The following SNTG1 variants were observed in gnomAD, a reference collection of about 807,000 sequenced individuals.
SNTG1 encodes syntrophin gamma 1.
A neutral mutation model predicts 74.7 loss-of-function variants in SNTG1; 39 were observed. The ratio of observed to expected loss-of-function variants is 0.52; its 90% confidence interval spans 0.40 to 0.68. The LOEUF is 0.68. SNTG1 is among the 30% of genes least tolerant of loss of function. The probability of loss-of-function intolerance (pLI) is 0.00; values close to 1 mark genes in which losing one functional copy is unlikely to be tolerated. For missense variants in SNTG1, 685 were observed against 609.5 expected, an observed-to-expected ratio of 1.12 and a Z score of -1.30; for synonymous variants, 254 against 217.1, an observed-to-expected ratio of 1.17 and a Z score of -1.49.
At chr8:50,526,605 G>A (rs1038552955) in intron 9 of SNTG1, among the ~76,000 whole-genome samples, 3 of 141,222 alleles carry the variant, frequency 2.1e-5, no homozygotes, top group African/African-American at 5.8e-5. Context: ...GCATATATAT[G>A]TGTGTGTGTG....
intron 11 of SNTG1, among the ~76,000 whole-genome samples, chr8:50,544,886 G>T (rs187079422): frequency 2.0e-5 from 3 of 151,838 alleles, no homozygotes; most frequent in South Asian, 2.1e-4. Context: ...GGGAGTGGGG[G>T]GCAAGAAAAG....
At chr8:50,739,989 C>T (rs1205789943) in intron 17 of SNTG1, among the ~76,000 whole-genome samples, 1 of 151,992 alleles carries the variant, frequency 6.6e-6, no homozygotes, top group Non-Finnish European at 1.5e-5. Flanking sequence ...ATATTAAAGA[C>T]TTAAATATAA....
At chr8:50,675,480 A>C (rs879857404) in intron 15 of SNTG1, among the ~76,000 whole-genome samples, 1 of 150,170 alleles carries the variant, frequency 6.7e-6, no homozygotes, top group Non-Finnish European at 1.5e-5. Context: ...CTAGGATTGC[A>C]ACCCCTACTT....
chr8:50,421,835 A>G (rs1161708720), intron 4 of SNTG1, among the ~76,000 whole-genome samples: 1 of 152,186 alleles, frequency 6.6e-6, no homozygotes, highest in Non-Finnish European at 1.5e-5. Flanking sequence ...ATGAAGACTC[A>G]ACTTTTCAGT....
intron 1 of SNTG1, among the ~76,000 whole-genome samples, chr8:50,125,711 G>A (rs2081116567): frequency 1.0e-5 from 1 of 97,334 alleles, no homozygotes; most frequent in South Asian, 5.0e-4. Context: ...GTGATACAAA[G>A]GTGTCATTGT....
rs528764718 is a variant in SNTG1 at position 50,349,001 on chromosome 8, A to G, written c.-27-45211A>G. On this transcript the variant is annotated intron_variant, in intron 2 of 18. Transcript: ENST00000642720. Reference sequence around the variant, plus strand: ...TCATAATAAGGATTGCTTAACTGTTATAAGTATGACGTGAAAGAAGACATT... The same window carrying G: ...TCATAATAAGGATTGCTTAACTGTTGTAAGTATGACGTGAAAGAAGACATT... Among the ~76,000 whole-genome samples the G allele has an allele frequency of 2.0e-5, 3 of 152,314 alleles. No homozygotes were observed. In the East Asian group the frequency reaches 5.8e-4, roughly 29 times the overall value.
intron 1 of SNTG1, among the ~76,000 whole-genome samples, chr8:50,156,180 A>T (rs934283832): frequency 1.3e-5 from 2 of 152,126 alleles, no homozygotes; most frequent in Non-Finnish European, 2.9e-5. Context: ...TGGCTTCATT[A>T]GTCAACTCTA....
intron 18 of SNTG1, among the ~76,000 whole-genome samples, chr8:50,778,116 G>T (rs1351811051): frequency 6.6e-6 from 1 of 152,082 alleles, no homozygotes; most frequent in Non-Finnish European, 1.5e-5. Context: ...TGGACATTTG[G>T]GTTGCTTCCA....
chr8:50,160,844 A>G (rs937332448), intron 1 of SNTG1, among the ~76,000 whole-genome samples: 1 of 152,182 alleles, frequency 6.6e-6, no homozygotes, highest in African/African-American at 2.4e-5. Flanking sequence ...CATAGAACAT[A>G]GACTGTAGAG....
At chr8:50,235,438 A>T (rs2085839850) in intron 2 of SNTG1, among the ~76,000 whole-genome samples, 2 of 152,112 alleles carry the variant, frequency 1.3e-5, no homozygotes, top group Admixed American at 1.3e-4. Flanking sequence ...CCTGCAAAAC[A>T]TCATGTTGTA....
chr8:50,189,907 AG>A (rs1407699851), intron 2 of SNTG1, among the ~76,000 whole-genome samples: 2 of 152,192 alleles, frequency 1.3e-5, no homozygotes, highest in Non-Finnish European at 2.9e-5. Flanking sequence ...TTCTAATCTA[AG>A]TTAAATTCTG....
chr8:50,592,630 T>A (rs192781279), intron 13 of SNTG1, among the ~76,000 whole-genome samples: 1 of 151,908 alleles, frequency 6.6e-6, no homozygotes, highest in East Asian at 1.9e-4. Context: ...ACTATAATAT[T>A]CTGACACATA....
intron 2 of SNTG1, among the ~76,000 whole-genome samples, chr8:50,262,093 A>G (rs1586882609): frequency 6.6e-6 from 1 of 152,146 alleles, no homozygotes; most frequent in Non-Finnish European, 1.5e-5. Flanking sequence ...AGATTAAATA[A>G]CATATTTCTA....
At position 50,502,805 on chromosome 8, in the gene SNTG1, G is replaced by C. The variant is rs761361970; in HGVS notation, c.391G>C (p.Glu131Gln). 1 of 1,613,022 alleles carries C rather than the reference G, an allele frequency of 6.2e-7. No individual in the cohort carries two copies. Among genetic ancestry groups the C allele is most frequent in the South Asian group, 1.1e-5 (1 of 90,972 alleles). The change falls in exon 9 of 19, where the codon GAA becomes CAA. Residue 131 changes from glutamate to glutamine, a missense_variant. Transcript: ENST00000642720. ...VVQVLRNAGE[E>Q]VTLTVSFLKR... is the part of the protein sequence containing the mutation. ...TCAGGTTCTTCGGAATGCTGGAGAAGAAGTGACTCTAACAGTGTCATTTTT... is the reference window on the plus strand; with the variant it reads ...TCAGGTTCTTCGGAATGCTGGAGAACAAGTGACTCTAACAGTGTCATTTTT...
intron 2 of SNTG1, among the ~76,000 whole-genome samples, chr8:50,241,977 G>A (rs1323413497): frequency 6.6e-6 from 1 of 151,714 alleles, no homozygotes; most frequent in Non-Finnish European, 1.5e-5. Context: ...GATTTAGGCT[G>A]ATACTTGCTT....
chr8:50,450,235 T>A lies in SNTG1; in HGVS notation c.278-321T>A, dbSNP rs896163533. Among the ~76,000 whole-genome samples, 3 of 152,210 alleles carry A rather than the reference T, an allele frequency of 2.0e-5. No homozygotes were observed. The South Asian group carries it at 6.2e-4, about 31-fold the overall frequency. ...ATAGCTGACGGATTGAATGTCTATG[T>A]CTTAAACATTTTCACAGAGACCTAA... is the stretch of plus-strand genomic sequence containing the variant. On this transcript the variant is annotated intron_variant, in intron 6 of 18. Coordinates refer to ENST00000642720, the MANE Select transcript of SNTG1 (RefSeq NM_018967.5).
intron 12 of SNTG1, among the ~76,000 whole-genome samples, chr8:50,562,955 T>C: frequency 6.6e-6 from 1 of 152,214 alleles, no homozygotes. Flanking sequence ...GAGCAAGGAC[T>C]GTCTTTGGAA....
chr8:50,211,699 A>C (rs1375062294), intron 2 of SNTG1, among the ~76,000 whole-genome samples: 1 of 152,142 alleles, frequency 6.6e-6, no homozygotes, highest in Non-Finnish European at 1.5e-5. Flanking sequence ...TTTAAAAGAG[A>C]GATATCAAAC....
chr8:50,371,251 A>T (rs1329312768), intron 2 of SNTG1, among the ~76,000 whole-genome samples: 1 of 152,156 alleles, frequency 6.6e-6, no homozygotes, highest in African/African-American at 2.4e-5. Flanking sequence ...CATTAACTGG[A>T]TGTTATCTGA....
Sources: allele counts gnomAD v4.1 joint callset (sites outside exome capture counted in the v4.1 genomes callset), GRCh38; gene constraint gnomAD v4.1.1; transcripts MANE v1.5; gene names NCBI Gene and HGNC (gene_info 2026-07-23, HGNC 2026-07-21).